CACNA1B: variants seen among roughly 807,000 people sequenced by gnomAD.
CACNA1B encodes the protein voltage-dependent N-type calcium channel subunit alpha-1B.
In CACNA1B, 70 loss-of-function variants were observed where a neutral mutation model predicts 247.2. That is an observed-to-expected ratio of 0.28 (90% confidence interval 0.23 to 0.35). The LOEUF is 0.35. CACNA1B is among the 10% of genes least tolerant of loss of function. The pLI is 1.00. For synonymous variants in CACNA1B, 1,231 were observed against 1,294.4 expected (o/e 0.95, Z 1.05); for missense variants, 2,367 against 3,197.4 (o/e 0.74, Z 6.26).
chr9:137,911,489 C>T (rs1465411487), intron 3 of CACNA1B, among the ~76,000 whole-genome samples: 1 of 152,178 alleles, frequency 6.6e-6, no homozygotes, highest in Non-Finnish European at 1.5e-5. Flanking sequence ...AATCTCGGCT[C>T]ACTGCAACCT....
chr9:138,065,034 C>G (rs1355814044), intron 31 of CACNA1B, among the ~76,000 whole-genome samples: 1 of 152,254 alleles, frequency 6.6e-6, no homozygotes, highest in East Asian at 1.9e-4. Context: ...TTCTGGCACC[C>G]TCACCTCATT....
rs150448598 is a variant in CACNA1B, at chr9:138,099,757, G to A, written c.5223-2954G>A. Among the ~76,000 whole-genome samples the A allele has an allele frequency of 7.9e-4, 120 of 152,314 alleles. 1 individual carries two copies. Among genetic ancestry groups the A allele is most frequent in the Non-Finnish European group, 1.2e-3 (79 of 68,028 alleles). On this transcript the variant is annotated intron_variant, in intron 37 of 46. Coordinates refer to ENST00000371372, the MANE Select transcript of CACNA1B (RefSeq NM_000718.4). ...CCTGTGGTGCGCATGTGCCTGTGTC[G>A]GTGGATTCTGAAGGCACGAAACTGT...
At chr9:137,960,121 C>A (rs1449325538) in intron 10 of CACNA1B, among the ~76,000 whole-genome samples, 2 of 126,800 alleles carry the variant, frequency 1.6e-5, no homozygotes, top group African/African-American at 3.1e-5. Flanking sequence ...AGGAACTACT[C>A]TCAGGCCGAC....
intron 5 of CACNA1B, among the ~76,000 whole-genome samples, chr9:137,916,106 C>G (rs1030629540): frequency 6.7e-6 from 1 of 149,178 alleles, no homozygotes; most frequent in African/African-American, 2.5e-5. Context: ...AATCTCGGCT[C>G]GCTGCAACCT....
intron 10 of CACNA1B, among the ~76,000 whole-genome samples, chr9:137,970,690 G>C (rs1359611689): frequency 6.6e-6 from 1 of 152,166 alleles, no homozygotes; most frequent in Non-Finnish European, 1.5e-5. Flanking sequence ...AGTCCAGTGA[G>C]GGACGCATTT....
rs145052244 is a variant in CACNA1B at position 138,076,975 on chromosome 9, C to T, written c.4949+1065C>T. On this transcript the variant is annotated intron_variant, in intron 35 of 46. Transcript: ENST00000371372. ...TTGTTTGGCTGGGCTTTAGCTGCTG[C>T]GTTAATTTTATCTCATCATTTATTA... 3.5e-3 allele frequency among the ~76,000 whole-genome samples: 538 copies of T among 152,304 alleles called. 3 individuals carry two copies. The highest frequency in any genetic ancestry group is 0.012 in the African/African-American group (484 of 41,582).
intron 6 of CACNA1B, among the ~76,000 whole-genome samples, chr9:137,949,539 G>A (rs560205800): frequency 1.3e-5 from 2 of 152,090 alleles, no homozygotes; most frequent in South Asian, 4.1e-4. Flanking sequence ...GTGTCTGTGT[G>A]TGTGTGTGGA....
chr9:138,039,754 G>C (rs1959093634), intron 20 of CACNA1B, among the ~76,000 whole-genome samples: 1 of 152,032 alleles, frequency 6.6e-6, no homozygotes, highest in South Asian at 2.1e-4. Flanking sequence ...TTTATGGTCA[G>C]CTTTTTTCAT....
chr9:137,883,143 G>T (rs552335832), intron 3 of CACNA1B: 1 of 486,932 alleles, frequency 2.1e-6, no homozygotes, highest in African/African-American at 1.9e-5. Flanking sequence ...CTTGCAGAGC[G>T]CACAGGCCAG....
intron 31 of CACNA1B, among the ~76,000 whole-genome samples, chr9:138,064,778 C>T (rs755729521): frequency 2.0e-5 from 3 of 152,228 alleles, no homozygotes; most frequent in Non-Finnish European, 4.4e-5. Flanking sequence ...CATGGAGCCT[C>T]TGCAGCTCCA....
Position 138,120,799 on chromosome 9 carries a change from G to A in CACNA1B, c.6407G>A (p.Arg2136His), listed in dbSNP as rs200667970. The change falls in exon 46 of 47, where the codon CGT (arginine) becomes CAT (histidine). Residue 2136 changes from arginine (R) to histidine (H), a missense_variant. Around this residue, in one of 12 missense-constraint regions of CACNA1B, gnomAD observed 773 missense variants for 779.4 expected, o/e 0.99. Coordinates refer to ENST00000371372, the MANE Select transcript of CACNA1B (RefSeq NM_000718.4). ...RFYSCDRFGG[R>H]EPPKPKPSLS... ...TACTCCTGCGACCGCTTTGGGGGCC[G>A]TGAGCCCCCGAAGCCCAAGCCCTCC... 5.3e-5 allele frequency: 83 copies of A among 1,557,246 alleles called. No homozygotes were observed. The highest frequency in any genetic ancestry group is 1.7e-4 in the Middle Eastern group (1 of 6,016).
At chr9:138,118,810 G>T (rs34196125) in intron 44 of CACNA1B, 42 bp downstream of exon 44, 32 of 877,488 alleles carry the variant, frequency 3.6e-5, no homozygotes, top group Non-Finnish European at 5.3e-5. Context: ...CTGGGCAAGT[G>T]GGGGGTGGGG....
intron 3 of CACNA1B, among the ~76,000 whole-genome samples, chr9:137,905,843 C>G (rs1313281914): frequency 6.6e-6 from 1 of 152,240 alleles, no homozygotes; most frequent in Admixed American, 6.5e-5. Context: ...GACACTGTCA[C>G]CTCCCGACAA....
chr9:138,030,540 T>G (rs1256041460), intron 20 of CACNA1B, among the ~76,000 whole-genome samples: 1 of 152,192 alleles, frequency 6.6e-6, no homozygotes, highest in East Asian at 1.9e-4. Context: ...CTCTGTAGTT[T>G]TATTTTTTGT....
At chr9:138,106,461 G>A (rs548698947) in intron 39 of CACNA1B, among the ~76,000 whole-genome samples, 5 of 152,300 alleles carry the variant, frequency 3.3e-5, no homozygotes, top group South Asian at 4.1e-4. Context: ...ATAAACACCC[G>A]ATTATTTCCT....
intron 15 of CACNA1B, among the ~76,000 whole-genome samples, chr9:138,000,310 G>A (rs568444873): frequency 3.2e-4 from 48 of 152,112 alleles, no homozygotes; most frequent in Non-Finnish European, 4.7e-4. Context: ...GTGTTAGCCA[G>A]GATGGTCTCG....
chr9:137,906,658 G>A (rs989079274), intron 3 of CACNA1B, among the ~76,000 whole-genome samples: 1 of 151,344 alleles, frequency 6.6e-6, no homozygotes, highest in Non-Finnish European at 1.5e-5. Flanking sequence ...TTTAACATAC[G>A]TGTTCCCCTG....
At chr9:137,967,844 G>A (rs1327425704) in intron 10 of CACNA1B, among the ~76,000 whole-genome samples, 1 of 152,224 alleles carries the variant, frequency 6.6e-6, no homozygotes, top group East Asian at 1.9e-4. Context: ...TCATTATTCT[G>A]TCTCCTTTTC....
intron 10 of CACNA1B, among the ~76,000 whole-genome samples, chr9:137,960,784 A>G (rs1564209203): frequency 6.6e-6 from 1 of 151,972 alleles, no homozygotes; most frequent in African/African-American, 2.4e-5. Flanking sequence ...CAGAGGGGTG[A>G]CACCCTCTGG....
Sources: allele counts gnomAD v4.1 joint callset (sites outside exome capture counted in the v4.1 genomes callset), GRCh38; gene constraint gnomAD v4.1.1; regional missense constraint gnomAD v4.1.1; transcripts MANE v1.5; gene names NCBI Gene and HGNC (gene_info 2026-07-23, HGNC 2026-07-21).